Variants in NPAS3 observed in about 807,000 individuals in gnomAD.
NPAS3 encodes neuronal PAS domain protein 3.
A neutral mutation model predicts 73.1 loss-of-function variants in NPAS3; 14 were observed. The ratio of observed to expected loss-of-function variants is 0.19; its 90% CI spans 0.13 to 0.30. The LOEUF (loss-of-function observed/expected upper bound fraction) is 0.30. Among genes scored for constraint, NPAS3 ranks in the 10% least tolerant of loss-of-function variants. The pLI is 1.00. For synonymous variants in NPAS3, 620 were observed against 541.5 expected, an observed-to-expected ratio of 1.14 and a Z score of -2.01; for missense variants, 1,096 against 1,250.0, an observed-to-expected ratio of 0.88 and a Z score of 1.86.
chr14:33,330,289 A>T (rs58670065), intron 3 of NPAS3, among the ~76,000 whole-genome samples: 19,483 of 152,082 alleles, frequency 0.13, 1,828 homozygotes, highest in African/African-American at 0.25. Flanking sequence ...CACTGCACGA[A>T]TATGCTTACT....
chr14:33,700,355 C>A (rs1406170218), intron 6 of NPAS3, among the ~76,000 whole-genome samples: 1 of 152,180 alleles, frequency 6.6e-6, no homozygotes. Context: ...AGTGCCTCCA[C>A]CCTCCTGTGC....
At position 33,300,043 on chromosome 14, in the gene NPAS3, C is replaced by A. The variant is rs1051235698; in HGVS notation, c.386-67143C>A. 2.0e-5 allele frequency among the ~76,000 whole-genome samples: 3 copies of A among 152,152 alleles called. No homozygotes were observed. The East Asian group carries it at 5.8e-4, about 29-fold the overall frequency. On this transcript the variant is annotated intron_variant, in intron 3 of 11. Coordinates refer to ENST00000356141, the Ensembl canonical transcript of NPAS3. Reference sequence around the variant, plus strand: ...CACTATTTCAGGAACCCTGCAAGACCACTCCCAGTATCTTAATTAAAATAT... The same window carrying A: ...CACTATTTCAGGAACCCTGCAAGACAACTCCCAGTATCTTAATTAAAATAT...
intron 11 of NPAS3, among the ~76,000 whole-genome samples, chr14:33,798,550 C>T (rs1595637444): frequency 1.3e-5 from 2 of 152,236 alleles, no homozygotes; most frequent in African/African-American, 2.4e-5. Context: ...GCTAGGTTTT[C>T]CTGACAACCC....
intron 2 of NPAS3, among the ~76,000 whole-genome samples, chr14:33,190,047 C>T (rs2046113858): frequency 6.6e-6 from 1 of 151,952 alleles, no homozygotes; most frequent in African/African-American, 2.4e-5. Context: ...CCTTTAATTC[C>T]ATCTCTACTG....
intron 4 of NPAS3, among the ~76,000 whole-genome samples, chr14:33,452,092 A>G (rs890849161): frequency 1.3e-5 from 2 of 152,224 alleles, no homozygotes; most frequent in Non-Finnish European, 1.5e-5. Context: ...CTCTTATCCC[A>G]GAACCTGGCT....
chr14:33,201,529 C>A (rs914713288), intron 2 of NPAS3, among the ~76,000 whole-genome samples: 1 of 152,154 alleles, frequency 6.6e-6, no homozygotes, highest in African/African-American at 2.4e-5. Flanking sequence ...ATGAATATCT[C>A]AGCCCAAACA....
At chr14:33,198,347 T>C (rs945749823) in intron 2 of NPAS3, among the ~76,000 whole-genome samples, 3 of 152,180 alleles carry the variant, frequency 2.0e-5, no homozygotes, top group Non-Finnish European at 4.4e-5. Flanking sequence ...TACAGAGCGC[T>C]GATTGGTCCA....
intron 4 of NPAS3, among the ~76,000 whole-genome samples, chr14:33,480,004 G>A (rs544823524): frequency 6.6e-6 from 1 of 152,050 alleles, no homozygotes; most frequent in South Asian, 2.1e-4. Flanking sequence ...CTTTTTCTCA[G>A]GAGGCTTGAG....
chr14:33,581,616 G>A (rs1351563886), intron 5 of NPAS3, among the ~76,000 whole-genome samples: 2 of 152,158 alleles, frequency 1.3e-5, no homozygotes, highest in Non-Finnish European at 2.9e-5. Context: ...TGTCGCCCAG[G>A]CTGGAGTGCA....
chr14:33,349,482 T>G (rs1187285292), intron 3 of NPAS3, among the ~76,000 whole-genome samples: 1 of 152,218 alleles, frequency 6.6e-6, no homozygotes. Context: ...ATGATTGTTA[T>G]TAACCACTGA....
intron 2 of NPAS3, among the ~76,000 whole-genome samples, chr14:33,180,828 C>G (rs1337767603): frequency 1.6e-5 from 2 of 124,376 alleles, no homozygotes; most frequent in African/African-American, 5.8e-5. Context: ...AAAAAAAAGA[C>G]ACGGTAGGGG....
intron 2 of NPAS3, among the ~76,000 whole-genome samples, chr14:33,069,709 C>T (rs534862447): frequency 7.7e-4 from 117 of 152,274 alleles, no homozygotes; most frequent in African/African-American, 2.8e-3. Flanking sequence ...AATGCTTCCC[C>T]TGGAAGTGCA....
chr14:33,073,751 C>G (rs1200380778), intron 2 of NPAS3, among the ~76,000 whole-genome samples: 1 of 152,136 alleles, frequency 6.6e-6, no homozygotes, highest in African/African-American at 2.4e-5. Flanking sequence ...TATTTAGTTT[C>G]AATATACTGA....
At chr14:33,762,256 CT>C (rs150894058) in intron 7 of NPAS3, among the ~76,000 whole-genome samples, 8,675 of 149,268 alleles carry the variant, frequency 0.058, 807 homozygotes, top group African/African-American at 0.2. Context: ...GAGATGCTGT[CT>C]TTTTTTTTTC....
chr14:33,353,030 T>A (rs1009512652), intron 3 of NPAS3, among the ~76,000 whole-genome samples: 1 of 152,168 alleles, frequency 6.6e-6, no homozygotes, highest in African/African-American at 2.4e-5. Flanking sequence ...CAGCATTTAG[T>A]ATTTTCTTCT....
At chr14:32,995,515 G>T (rs185762942) in intron 1 of NPAS3, among the ~76,000 whole-genome samples, 2 of 152,276 alleles carry the variant, frequency 1.3e-5, no homozygotes, top group East Asian at 3.9e-4. Context: ...ATATGGTTTG[G>T]TTCTGTGTCC....
rs115413266 is a variant in NPAS3, at chr14:33,161,603, T to C, written c.141-53579T>C. 2.2e-3 allele frequency among the ~76,000 whole-genome samples: 341 copies of C among 152,192 alleles called. 1 individual carries two copies. Among genetic ancestry groups the C allele is most frequent in the African/African-American group, 7.6e-3 (314 of 41,524 alleles). On this transcript the variant is annotated intron_variant, in intron 2 of 11. Transcript: ENST00000356141. The stretch of plus-strand genomic sequence containing the variant: ...TACTGGTTCTGTAGTCTTAAAGGAG[T>C]ATATTTATTTGCAAATGAAAGTAGC...
chr14:33,604,813 G>T (rs2057506585), intron 5 of NPAS3, among the ~76,000 whole-genome samples: 1 of 152,034 alleles, frequency 6.6e-6, no homozygotes, highest in African/African-American at 2.4e-5. Flanking sequence ...TTCTAGAAAA[G>T]CTTCAAATAT....
At chr14:33,096,902 C>T (rs1002487850) in intron 2 of NPAS3, among the ~76,000 whole-genome samples, 3 of 152,176 alleles carry the variant, frequency 2.0e-5, no homozygotes, top group African/African-American at 7.2e-5. Context: ...CTTTAGTCAT[C>T]TGAAACTCTG....
Sources: allele counts gnomAD v4.1 joint callset (sites outside exome capture counted in the v4.1 genomes callset), GRCh38; gene constraint gnomAD v4.1.1; transcripts MANE v1.5; gene names NCBI Gene and HGNC (gene_info 2026-07-23, HGNC 2026-07-21).